RREB1: variants seen among roughly 807,000 people sequenced by gnomAD.
RREB1 encodes ras responsive element binding protein 1, also known as ras-responsive element-binding protein 1.
RREB1 carries 27 observed loss-of-function variants against 117.8 expected under a neutral mutation model. The ratio of observed to expected loss-of-function variants is 0.23; its 90% confidence interval spans 0.17 to 0.32. The LOEUF is 0.32. Ranked by LOEUF, RREB1 falls within the 10% of genes least tolerant of loss-of-function variation. The pLI is 1.00. For missense variants in RREB1, 2,577 were observed against 2,378.2 expected (o/e 1.08, Z -1.74); for synonymous variants, 1,298 against 1,026.7 (o/e 1.26, Z -5.05).
intron 1 of RREB1, among the ~76,000 whole-genome samples, chr6:7,155,783 T>C (rs1763336307): frequency 6.6e-6 from 1 of 152,252 alleles, no homozygotes; most frequent in African/African-American, 2.4e-5. Context: ...TGCATCCTTT[T>C]AAATTTTTTA....
Position 7,181,934 on chromosome 6 carries a change from G to A in RREB1, c.23G>A (p.Gly8Asp), listed in dbSNP as rs953996160. Reference protein sequence around the residue: MTSSSPAGLEGSDLSSIN... With the variant: MTSSSPADLEGSDLSSIN... Reference sequence around the variant, plus strand: ...CCAATGACGTCAAGTTCGCCCGCTGGCTTGGAAGGTTCAGACCTATCTTCC... The same window carrying A: ...CCAATGACGTCAAGTTCGCCCGCTGACTTGGAAGGTTCAGACCTATCTTCC... Residue 8 changes from glycine (G) to aspartate (D), a missense_variant, in exon 4 of 13, where the codon GGC (glycine) becomes GAC (aspartate). By Grantham distance (94) the Gly-to-Asp change is moderately conservative (BLOSUM62 -1). Transcript: ENST00000379938. 8.1e-6 allele frequency: 13 copies of A among 1,614,126 alleles called. No individual in the cohort carries two copies. The highest frequency in any genetic ancestry group is 1.0e-5 in the Non-Finnish European group (12 of 1,180,042).
chr6:7,167,327 C>G (rs1409988809), intron 1 of RREB1, among the ~76,000 whole-genome samples: 18 of 151,028 alleles, frequency 1.2e-4, no homozygotes, highest in African/African-American at 4.4e-4. Flanking sequence ...TTTAAATTGT[C>G]CAACTTGTGG....
chr6:7,236,584 G>T (rs1418630158), intron 10 of RREB1, among the ~76,000 whole-genome samples: 1 of 152,168 alleles, frequency 6.6e-6, no homozygotes. Flanking sequence ...GCCTGCAGGG[G>T]TGGAGGAGCA....
intron 1 of RREB1, among the ~76,000 whole-genome samples, chr6:7,172,695 GGGGT>G (rs1217166076): frequency 1.4e-5 from 2 of 146,388 alleles, no homozygotes; most frequent in African/African-American, 5.2e-5. Context: ...CCGGTGTGGG[GGGGT>G]GGGGGTGACT....
chr6:7,231,501 C>T lies in RREB1; in HGVS notation c.3402C>T (p.Ser1134=), dbSNP rs755748462. 10 of 1,610,708 alleles carry T rather than the reference C, an allele frequency of 6.2e-6. No individual in the cohort carries two copies. The highest frequency in any genetic ancestry group is 1.7e-5 in the Admixed American group (1 of 59,592). The change falls in exon 10 of 13, where the codon AGC becomes AGT. Residue 1134 remains serine, a synonymous_variant. Coordinates refer to ENST00000379938, the MANE Select transcript of RREB1 (RefSeq NM_001003699.4). ...CTAGTGAGCCTCCCGCTCCAGCCAG[C>T]AGCCCAGAGGCTGCCTCTCCCACCG... ...KESSEPPAPA[S]SPEAASPTEQ...
Position 7,250,992 on chromosome 6 carries a change from AGTT to A in RREB1, c.*2028_*2030del, listed in dbSNP as rs1000780006. On this transcript the variant is annotated 3_prime_UTR_variant, in exon 13 of 13. Coordinates refer to ENST00000379938, the MANE Select transcript of RREB1 (RefSeq NM_001003699.4). Reference sequence around the variant, plus strand: ...TTATTATTATTATTATTATTATTACAGTTGTTATTGTTGTTTTTGTTGTTATTA... The same window carrying A: ...TTATTATTATTATTATTATTATTACAGTTATTGTTGTTTTTGTTGTTATTA... 4 of 151,710 alleles carry A rather than the reference AGTT, an allele frequency of 2.6e-5. No homozygotes were observed. Among genetic ancestry groups the A allele is most frequent in the East Asian group, 1.9e-4 (1 of 5,138 alleles). The allele number at this position is 151,710 out of a possible 1,614,324, so 9.4% of individuals were successfully genotyped here.
chr6:7,149,948 CA>C (rs1040145479), intron 1 of RREB1, among the ~76,000 whole-genome samples: 4 of 150,602 alleles, frequency 2.7e-5, no homozygotes, highest in Non-Finnish European at 4.4e-5. Context: ...CTCGGCCTCC[CA>C]AAGTGCTGGG....
At chr6:7,210,772 G>T in intron 6 of RREB1, 32 bp from the exon 7 acceptor site, 1 of 1,571,316 alleles carries the variant, frequency 6.4e-7, no homozygotes, top group Non-Finnish European at 8.6e-7. Flanking sequence ...TTCTTTGTTA[G>T]ATCACATTGT....
At chr6:7,114,396 G>C (rs577076822) in intron 1 of RREB1, among the ~76,000 whole-genome samples, 1 of 151,950 alleles carries the variant, frequency 6.6e-6, no homozygotes, top group African/African-American at 2.4e-5. Flanking sequence ...TTGAAGAAGT[G>C]GTTCTCAACC....
chr6:7,160,689 CT>C (rs201890233), intron 1 of RREB1, among the ~76,000 whole-genome samples: 4 of 141,254 alleles, frequency 2.8e-5, no homozygotes, highest in South Asian at 2.2e-4. Flanking sequence ...TTTTTTTTTT[CT>C]TTTTTTTTTC....
intron 6 of RREB1, among the ~76,000 whole-genome samples, chr6:7,199,921 T>C (rs1765858516): frequency 1.3e-5 from 2 of 152,188 alleles, no homozygotes; most frequent in South Asian, 4.1e-4. Flanking sequence ...ATTTTAGAAA[T>C]CTGTGAATAA....
intron 8 of RREB1, chr6:7,219,092 C>CAAAAAAAAAA (rs57534871): frequency 3.2e-4 from 13 of 40,522 alleles, no homozygotes; most frequent in East Asian, 8.3e-4. Context: ...TACTAAAATA[C>CAAAAAAAAAA]AAAAAAAAAA....
At chr6:7,186,130 C>T (rs1287364522) in intron 4 of RREB1, among the ~76,000 whole-genome samples, 1 of 152,226 alleles carries the variant, frequency 6.6e-6, no homozygotes, top group East Asian at 1.9e-4. Context: ...GACCCAGAGC[C>T]TAGACAGAGC....
At chr6:7,245,773 G>A (rs1418144452) in intron 11 of RREB1, among the ~76,000 whole-genome samples, 2 of 152,116 alleles carry the variant, frequency 1.3e-5, no homozygotes, top group African/African-American at 4.8e-5. Context: ...GGCATCAAGG[G>A]TGCCCTTCCT....
chr6:7,119,015 C>T (rs1443810533), intron 1 of RREB1, among the ~76,000 whole-genome samples: 1 of 151,626 alleles, frequency 6.6e-6, no homozygotes, highest in African/African-American at 2.4e-5. Flanking sequence ...TTTGAATATC[C>T]ACTATGCAAG....
At chr6:7,142,986 A>G (rs1418079318) in intron 1 of RREB1, among the ~76,000 whole-genome samples, 1 of 152,242 alleles carries the variant, frequency 6.6e-6, no homozygotes, top group Non-Finnish European at 1.5e-5. Context: ...CAAAGCCCTA[A>G]TAAAGCTTTC....
intron 1 of RREB1, among the ~76,000 whole-genome samples, chr6:7,170,965 G>A (rs533214415): frequency 4.5e-4 from 69 of 152,314 alleles, no homozygotes; most frequent in Non-Finnish European, 8.4e-4. Context: ...CGGTAGGTCT[G>A]GGGTGGGACT....
In RREB1 at chr6:7,229,654, G is replaced by C. The variant is rs148778159; in HGVS notation, c.1555G>C (p.Val519Leu). 46 of 1,612,286 alleles carry C rather than the reference G, an allele frequency of 2.9e-5. No individual in the cohort carries two copies. The African/African-American group carries it at 5.1e-4, about 18-fold the overall frequency. Residue 519 changes from valine to leucine, a missense_variant, in exon 10 of 13, where the codon GTG becomes CTG. Coordinates refer to ENST00000379938, the MANE Select transcript of RREB1 (RefSeq NM_001003699.4). The surrounding 1 kb of genome is among the most constrained non-coding windows in gnomAD (Gnocchi z 4.5). ...GCCCCTGGTCACACCACGGACGGTG[G>C]TGGCCACCTCCACGCCCCCGCCTCT... ...PKPLVTPRTVVATSTPPPLIN... is the reference protein window; with the variant it reads ...PKPLVTPRTVLATSTPPPLIN...
rs1429855746 is a variant in RREB1, at chr6:7,162,301, T to C, written c.-284-14354T>C. ...AAAAAAAAAAGAATGAATTCAGCAT[T>C]GTGAGAAACTCAGCAAATCATCTGC... On this transcript the variant is annotated intron_variant, in intron 1 of 12. Coordinates refer to ENST00000379938, the MANE Select transcript of RREB1 (RefSeq NM_001003699.4). Among the ~76,000 whole-genome samples, 6 of 152,328 alleles carry C rather than the reference T, an allele frequency of 3.9e-5. No individual in the cohort carries two copies. In the East Asian group the frequency reaches 1.2e-3, roughly 29 times the overall value.
Sources: allele counts gnomAD v4.1 joint callset (sites outside exome capture counted in the v4.1 genomes callset), GRCh38; gene constraint gnomAD v4.1.1; non-coding constraint Gnocchi (gnomAD v3.1); transcripts MANE v1.5; gene names NCBI Gene and HGNC (gene_info 2026-07-23, HGNC 2026-07-21).